The following PCNX1 variants were observed in gnomAD, a reference collection of about 807,000 sequenced individuals.
The protein encoded by PCNX1 is pecanex-like protein 1.
Under a neutral mutation model 242.2 loss-of-function variants are expected in PCNX1, and 78 were observed. The observed-to-expected ratio is 0.32, with a 90% confidence interval of 0.27 to 0.39. The LOEUF (loss-of-function observed/expected upper bound fraction) is 0.39, where lower values mean the gene tolerates loss of function less well. Ranked by LOEUF, PCNX1 falls within the 10% of genes least tolerant of loss-of-function variation. The pLI is 1.00. For missense variants in PCNX1, 2,581 were observed against 2,856.5 expected (o/e 0.90, Z 2.20); for synonymous variants, 1,024 against 1,032.9 (o/e 0.99, Z 0.17).
At chr14:70,996,747 T>C (rs1035979411) in intron 8 of PCNX1, among the ~76,000 whole-genome samples, 2 of 152,168 alleles carry the variant, frequency 1.3e-5, no homozygotes, top group African/African-American at 4.8e-5. Flanking sequence ...CTCATTGTGA[T>C]TTTGTTTATT....
intron 2 of PCNX1, among the ~76,000 whole-genome samples, chr14:70,951,268 C>G (rs2057766904): frequency 6.6e-6 from 1 of 151,948 alleles, no homozygotes; most frequent in East Asian, 1.9e-4. Flanking sequence ...TTCATTTATA[C>G]CATACTGTTT....
chr14:70,910,192 CTCCTCCTCCTCCTCG>C lies in PCNX1; in HGVS notation c.153+2204_153+2218del, dbSNP rs1566808895. ...CCTCCTCCTCCTCCTCCTCCTCCTCCTCCTCCTCCTCCTCGTCCTCCTCCTCCTCCTCCTCCTCTC... is the reference window on the plus strand; with the variant it reads ...CCTCCTCCTCCTCCTCCTCCTCCTCCTCCTCCTCCTCCTCCTCCTCCTCTC... On this transcript the variant is annotated intron_variant, in intron 1 of 35. Transcript: ENST00000304743. 2.0e-3 allele frequency among the ~76,000 whole-genome samples: 86 copies of C among 44,002 alleles called. 2 individuals are homozygous for C. The highest frequency in any genetic ancestry group is 3.0e-3 in the Non-Finnish European group (58 of 19,544). The allele number at this position is 44,002 out of a possible 152,430, so 28.9% of individuals were successfully genotyped here.
At chr14:70,994,083 T>C (rs1367855200) in intron 7 of PCNX1, among the ~76,000 whole-genome samples, 2 of 152,148 alleles carry the variant, frequency 1.3e-5, no homozygotes, top group Admixed American at 1.3e-4. Context: ...TCATATGTTG[T>C]GTGCATTCCT....
intron 1 of PCNX1, among the ~76,000 whole-genome samples, chr14:70,909,048 T>C (rs186190743): frequency 9.3e-4 from 141 of 152,294 alleles, no homozygotes; most frequent in Non-Finnish European, 1.7e-3. Flanking sequence ...TCTGCTAACT[T>C]TGAGGTTCTT....
rs576875688 is a variant in PCNX1, at chr14:71,044,892, A to G, written c.3868-241A>G. Among the ~76,000 whole-genome samples, 3 of 152,382 alleles carry G rather than the reference A, an allele frequency of 2.0e-5. No individual in the cohort carries two copies. The South Asian group carries it at 6.2e-4, about 32-fold the overall frequency. On this transcript the variant is annotated intron_variant, in intron 19 of 35. Coordinates refer to ENST00000304743, the MANE Select transcript of PCNX1 (RefSeq NM_014982.3). The stretch of plus-strand genomic sequence containing the variant: ...CTCTCATTATACAATAGTGTAAGAC[A>G]CCAGAGAAAGTAGTTAACCCGTTTC...
intron 30 of PCNX1, among the ~76,000 whole-genome samples, chr14:71,090,639 C>CA (rs1052857946): frequency 6.6e-6 from 1 of 151,662 alleles, no homozygotes; most frequent in Non-Finnish European, 1.5e-5. Flanking sequence ...CAGTGCATTT[C>CA]AAAAAAAGGT....
rs540258795 is a variant in PCNX1, at chr14:71,087,875, G to T, written c.5338-455G>T. 2.6e-5 allele frequency among the ~76,000 whole-genome samples: 4 copies of T among 152,066 alleles called. No individual in the cohort carries two copies. The South Asian group carries it at 8.3e-4, about 32-fold the overall frequency. ...AACAATATTTTATGAATATCAACTT[G>T]ATTTTCACTATGTTTATAGTCACTA... On this transcript the variant is annotated intron_variant, in intron 28 of 35. Coordinates refer to ENST00000304743, the MANE Select transcript of PCNX1 (RefSeq NM_014982.3).
chr14:70,960,694 G>T (rs913511754), intron 2 of PCNX1, among the ~76,000 whole-genome samples: 1 of 151,978 alleles, frequency 6.6e-6, no homozygotes, highest in African/African-American at 2.4e-5. Flanking sequence ...GAAATAAAGG[G>T]TATTCAATTA....
intron 10 of PCNX1, chr14:71,012,275 A>G (rs1019186325): frequency 6.5e-6 from 1 of 153,346 alleles, no homozygotes; most frequent in Non-Finnish European, 1.5e-5. Context: ...TAACACTGAT[A>G]ATGAGGTTCA....
chr14:71,060,289 C>T (rs1413459021), intron 26 of PCNX1, among the ~76,000 whole-genome samples: 1 of 152,008 alleles, frequency 6.6e-6, no homozygotes, highest in Admixed American at 6.6e-5. Context: ...CAATTATGTA[C>T]AGTACATAGT....
Position 71,096,744 on chromosome 14 carries a change from G to A in PCNX1, c.5590-5246G>A, listed in dbSNP as rs907943655. Among the ~76,000 whole-genome samples the A allele has an allele frequency of 3.7e-4, 57 of 152,152 alleles. 1 individual carries two copies. The highest frequency in any genetic ancestry group is 1.3e-3 in the African/African-American group (54 of 41,422). ...TATTATGAATGCTATCTTAGATCAAGTGGTCTAGAAACAGGTTAGAGTCCA... is the reference window on the plus strand; with the variant it reads ...TATTATGAATGCTATCTTAGATCAAATGGTCTAGAAACAGGTTAGAGTCCA... On this transcript the variant is annotated intron_variant, in intron 30 of 35. Coordinates refer to ENST00000304743, the MANE Select transcript of PCNX1 (RefSeq NM_014982.3).
chr14:70,930,237 T>G (rs926697232), intron 1 of PCNX1, among the ~76,000 whole-genome samples: 1 of 152,052 alleles, frequency 6.6e-6, no homozygotes, highest in Non-Finnish European at 1.5e-5. Context: ...CCTTGAACTT[T>G]TGGGCTCAAG....
At chr14:70,978,923 T>C (rs953307606) in intron 6 of PCNX1, among the ~76,000 whole-genome samples, 7 of 152,206 alleles carry the variant, frequency 4.6e-5, no homozygotes, top group African/African-American at 1.2e-4. Context: ...CACCTGTTAA[T>C]GTTTTGCTGG....
At chr14:70,959,160 T>C (rs1350830619) in intron 2 of PCNX1, among the ~76,000 whole-genome samples, 1 of 151,682 alleles carries the variant, frequency 6.6e-6, no homozygotes, top group African/African-American at 2.4e-5. Context: ...TATGTAGCAT[T>C]TTCTAAGTTT....
chr14:70,983,301 G>A (rs1398016033), intron 6 of PCNX1, among the ~76,000 whole-genome samples: 1 of 151,974 alleles, frequency 6.6e-6, no homozygotes, highest in Admixed American at 6.6e-5. Context: ...GCAAAGCTCA[G>A]CTAATAATTT....
At chr14:70,985,340 G>A (rs1443078542) in intron 6 of PCNX1, among the ~76,000 whole-genome samples, 1 of 152,036 alleles carries the variant, frequency 6.6e-6, no homozygotes, top group Non-Finnish European at 1.5e-5. Flanking sequence ...TCAGCCTCCC[G>A]AGTAGCCGAG....
intron 6 of PCNX1, among the ~76,000 whole-genome samples, chr14:70,981,376 G>A (rs1376392798): frequency 4.6e-5 from 7 of 152,102 alleles, no homozygotes; most frequent in Non-Finnish European, 1.0e-4. Flanking sequence ...AAACTCAATA[G>A]TAAAAATAAA....
intron 5 of PCNX1, among the ~76,000 whole-genome samples, chr14:70,972,475 C>T (rs994890392): frequency 2.6e-5 from 4 of 152,126 alleles, no homozygotes; most frequent in African/African-American, 9.7e-5. Flanking sequence ...GATGAAGTAT[C>T]AGGGCAAGCA....
At chr14:70,908,447 C>T (rs1171276235) in intron 1 of PCNX1, among the ~76,000 whole-genome samples, 1 of 152,152 alleles carries the variant, frequency 6.6e-6, no homozygotes, top group Non-Finnish European at 1.5e-5. Context: ...CGCCGCGGCC[C>T]TCGTCCGGGG....
Sources: gnomAD v4.1 joint callset for allele counts (sites outside exome capture counted in the v4.1 genomes callset) on GRCh38, gnomAD v4.1.1 for gene constraint, MANE v1.5 for transcripts, NCBI Gene and HGNC (gene_info 2026-07-23, HGNC 2026-07-21) for gene names.